QRICH2: variants seen among roughly 807,000 people sequenced by gnomAD.
QRICH2 encodes glutamine rich 2.
In QRICH2, 119 loss-of-function variants were observed where a neutral mutation model predicts 168.3. That is an observed-to-expected ratio of 0.71 (90% CI 0.61 to 0.82). The LOEUF is 0.82. Ranked by LOEUF, QRICH2 falls within the 40% of genes least tolerant of loss-of-function variation. QRICH2 has a pLI of 0.00. For synonymous variants in QRICH2, 894 were observed against 951.2 expected (o/e 0.94, Z 1.11); for missense variants, 2,241 against 2,491.6 (o/e 0.90, Z 2.14).
At chr17:76,284,167 CCAAAA>C (rs1197976011) in intron 7 of QRICH2, among the ~76,000 whole-genome samples, 1 of 62,172 alleles carries the variant, frequency 1.6e-5, no homozygotes, top group African/African-American at 1.4e-4. Context: ...AACTCTGTCT[CCAAAA>C]AAAAAAAAAA....
chr17:76,281,528 C>T lies in QRICH2; in HGVS notation c.4263+336G>A, dbSNP rs540842991. The stretch of plus-strand genomic sequence containing the variant: ...GAAATTGAGAAGGGGTTGGAAGACT[C>T]GCGTGCCAGGGAGTCAACATCTCCT... On this transcript the variant is annotated intron_variant, in intron 8 of 18. Coordinates refer to ENST00000680821, the MANE Select transcript of QRICH2 (RefSeq NM_001388453.1). This position sits in a 1 kb window ranked among gnomAD's most constrained non-coding sequence, Gnocchi z 4.4. Among the ~76,000 whole-genome samples, 12 of 152,310 alleles carry T rather than the reference C, an allele frequency of 7.9e-5. No homozygotes were observed. Among genetic ancestry groups the T allele is most frequent in the Admixed American group, 1.3e-4 (2 of 15,300 alleles).
intron 5 of QRICH2, among the ~76,000 whole-genome samples, chr17:76,288,155 G>A (rs1418129763): frequency 2.0e-5 from 3 of 151,814 alleles, no homozygotes; most frequent in Admixed American, 6.6e-5. Flanking sequence ...AGGCCGAGGC[G>A]GGTGGATCAC....
intron 3 of QRICH2, among the ~76,000 whole-genome samples, chr17:76,303,732 G>A (rs2070942332): frequency 6.6e-6 from 1 of 151,868 alleles, no homozygotes; most frequent in South Asian, 2.1e-4. Context: ...AATTAGCCAG[G>A]CGTGGTGGTG....
At chr17:76,296,163 C>T (rs2070790114) in intron 3 of QRICH2, among the ~76,000 whole-genome samples, 1 of 151,990 alleles carries the variant, frequency 6.6e-6, no homozygotes, top group Non-Finnish European at 1.5e-5. Context: ...TCGGAGGTTG[C>T]AGTGAGCCGA....
rs2071014810 is a variant in QRICH2, at chr17:76,307,810, G to A, written c.189C>T (p.Ser63=). 4.6e-6 allele frequency: 6 copies of A among 1,315,702 alleles called. No individual in the cohort carries two copies. Among genetic ancestry groups the A allele is most frequent in the Non-Finnish European group, 5.8e-6 (6 of 1,035,568 alleles). The allele number at this position is 1,315,702 out of a possible 1,614,324, so 81.5% of individuals were successfully genotyped here. A position where few individuals can be genotyped will look rare whatever the true frequency, so the allele number is the denominator to read the frequency against. The change falls in exon 1 of 19, where the codon TCC becomes TCT. Residue 63 remains serine, a synonymous_variant. Transcript: ENST00000680821. The surrounding 1 kb of genome is among the most constrained non-coding windows in gnomAD (Gnocchi z 5.3). Reference sequence around the variant, plus strand: ...GCGGGATGCTGAACGAGCTCCGGACGGACTGCAGCGAGCGGCTGGGCTCGG... The same window carrying A: ...GCGGGATGCTGAACGAGCTCCGGACAGACTGCAGCGAGCGGCTGGGCTCGG... ...SSPEPSRSLQ[S]VRSSFSIPHL...
chr17:76,295,212 T>C (rs1369959607), intron 3 of QRICH2, among the ~76,000 whole-genome samples: 2 of 151,932 alleles, frequency 1.3e-5, no homozygotes, highest in African/African-American at 2.4e-5. Context: ...TGAGCTGAGA[T>C]CGCACCACTG....
At chr17:76,279,236 G>A (rs568473846) in intron 13 of QRICH2, 94 bp from the exon 14 acceptor site, 36 of 1,335,512 alleles carry the variant, frequency 2.7e-5, no homozygotes, top group African/African-American at 1.6e-4. Flanking sequence ...ACCCGCCCCC[G>A]GCCTGGAAGG....
intron 3 of QRICH2, among the ~76,000 whole-genome samples, chr17:76,302,483 C>A (rs2070922835): frequency 6.6e-6 from 1 of 152,178 alleles, no homozygotes; most frequent in Non-Finnish European, 1.5e-5. Flanking sequence ...AGGGACTTTG[C>A]AGGTACAATT....
At position 76,292,139 on chromosome 17, in the gene QRICH2, T is replaced by A. The variant is rs757777184; in HGVS notation, c.2588A>T (p.Gln863Leu). 4 of 1,610,354 alleles carry A rather than the reference T, an allele frequency of 2.5e-6. No individual in the cohort carries two copies. The East Asian group carries it at 9.0e-5, about 36-fold the overall frequency. ...QPGADQRGLV[Q>L]PGVDQRGLVQ... ...CAAACCACGCTGATCCACTCCAGGTTGGACCAAACCACGCTGATCTGCACC... is the reference window on the plus strand; with the variant it reads ...CAAACCACGCTGATCCACTCCAGGTAGGACCAAACCACGCTGATCTGCACC... The change falls in exon 4 of 19, where the codon CAA (glutamine) becomes CTA (leucine). Residue 863 changes from glutamine (Q) to leucine (L), a missense_variant. Transcript: ENST00000680821.
rs111980390 is a variant in QRICH2 at position 76,281,042 on chromosome 17, G to C, written c.4264-89C>G. 11 of 1,520,876 alleles carry C rather than the reference G, an allele frequency of 7.2e-6. No homozygotes were observed. Among genetic ancestry groups the C allele is most frequent in the Non-Finnish European group, 9.7e-6 (11 of 1,136,732 alleles). The allele number at this position is 1,520,876 out of a possible 1,614,324, so 94.2% of individuals were successfully genotyped here. On this transcript the variant is annotated intron_variant, in intron 8 of 18. Transcript: ENST00000680821. The surrounding 1 kb of genome is among the most constrained non-coding windows in gnomAD (Gnocchi z 4.4). ...TAATATTGCTGCCCCAGGTAAGTTG[G>C]CCCTTAAAACATCTGCAAGGCTGGG...
At chr17:76,302,279 T>C (rs1034023999) in intron 3 of QRICH2, among the ~76,000 whole-genome samples, 4 of 152,060 alleles carry the variant, frequency 2.6e-5, no homozygotes, top group African/African-American at 9.7e-5. Context: ...TGTACCGACC[T>C]TTCTAGGACC....
In QRICH2 at chr17:76,291,331, A is replaced by G. The variant is rs1210462897; in HGVS notation, c.3396T>C (p.Asn1132=). Residue 1132 remains asparagine, a synonymous_variant, in exon 4 of 19, where the codon AAT becomes AAC. Transcript: ENST00000680821. Reference sequence around the variant, plus strand: ...CATGTCGGTCCGAGGCTCGTGTTCTATTTGGATCCAAACCTTCCTGGCCAT... The same window carrying G: ...CATGTCGGTCCGAGGCTCGTGTTCTGTTTGGATCCAAACCTTCCTGGCCAT... ...DQHGQEGLDP[N]RTRASDRHGI... 2.5e-6 allele frequency: 4 copies of G among 1,614,052 alleles called. No homozygotes were observed. Among genetic ancestry groups the G allele is most frequent in the Admixed American group, 3.3e-5 (2 of 60,006 alleles).
At chr17:76,299,426 A>AAGC (rs2070858473) in intron 3 of QRICH2, among the ~76,000 whole-genome samples, 1 of 152,048 alleles carries the variant, frequency 6.6e-6, no homozygotes, top group Non-Finnish European at 1.5e-5. Context: ...TCTCAGAGGA[A>AAGC]AGCGGCATCA....
rs1361671080 is a variant in QRICH2 at position 76,294,034 on chromosome 17, G to A, written c.706-13C>T. 14 of 1,577,464 alleles carry A rather than the reference G, an allele frequency of 8.9e-6. No individual in the cohort carries two copies. The highest frequency in any genetic ancestry group is 3.7e-5 in the Admixed American group (2 of 54,250). On this transcript the variant is annotated splice_polypyrimidine_tract_variant and intron_variant, in intron 3 of 18. Transcript: ENST00000680821. ...GTGTTTCTGAGCCCTGGTTGGAGAGGAAGAAGGAAATCAATAACAGTCAAA... is the reference window on the plus strand; with the variant it reads ...GTGTTTCTGAGCCCTGGTTGGAGAGAAAGAAGGAAATCAATAACAGTCAAA...
chr17:76,287,712 G>A, intron 6 of QRICH2, 88 bp downstream of exon 6: 2 of 902,094 alleles, frequency 2.2e-6, no homozygotes, highest in Non-Finnish European at 3.7e-6. Context: ...CCATTCAGGG[G>A]CATAAGGGAG....
At chr17:76,304,998 CATGCACACACACACAG>C (rs570577681) in intron 1 of QRICH2, 57 bp from the exon 2 acceptor site, 2 of 1,117,002 alleles carry the variant, frequency 1.8e-6, no homozygotes, top group African/African-American at 3.1e-5. Flanking sequence ...CGCACACTCA[CATGCACACACACACAG>C]ATGCGCACAC....
chr17:76,300,099 G>A (rs1249567402), intron 3 of QRICH2, among the ~76,000 whole-genome samples: 3 of 152,022 alleles, frequency 2.0e-5, no homozygotes, highest in Non-Finnish European at 4.4e-5. Flanking sequence ...CAAAGTGCTG[G>A]AATTACAGGC....
intron 3 of QRICH2, 36 bp downstream of exon 3, chr17:76,304,379 C>G: frequency 7.0e-7 from 1 of 1,422,190 alleles, no homozygotes; most frequent in East Asian, 2.3e-5. Flanking sequence ...TGGGGAGCCC[C>G]ACCCAAGACC....
At chr17:76,306,210 CA>C (rs917419798) in intron 1 of QRICH2, among the ~76,000 whole-genome samples, 3 of 102,124 alleles carry the variant, frequency 2.9e-5, no homozygotes, top group Middle Eastern at 5.2e-3. Flanking sequence ...AAAATTAAAA[CA>C]AAAAAAACCC....
Sources: allele counts gnomAD v4.1 joint callset (sites outside exome capture counted in the v4.1 genomes callset), GRCh38; gene constraint gnomAD v4.1.1; non-coding constraint Gnocchi (gnomAD v3.1); transcripts MANE v1.5; gene names NCBI Gene and HGNC (gene_info 2026-07-23, HGNC 2026-07-21).